The following SLC9A9 variants were observed in gnomAD, a reference collection of about 807,000 sequenced individuals.
SLC9A9 encodes solute carrier family 9 member A9.
A neutral mutation model predicts 77.8 loss-of-function variants in SLC9A9; 62 were observed. That is an observed-to-expected ratio of 0.80 (90% CI 0.65 to 0.98). The LOEUF (loss-of-function observed/expected upper bound fraction) is 0.98, where lower values mean the gene tolerates loss of function less well. SLC9A9 is among the 50% of genes least tolerant of loss of function. SLC9A9 has a pLI of 0.00. For missense variants in SLC9A9, 775 were observed against 774.9 expected, an observed-to-expected ratio of 1.00 and a Z score of 0.00; for synonymous variants, 320 against 283.5, an observed-to-expected ratio of 1.13 and a Z score of -1.29.
intron 6 of SLC9A9, among the ~76,000 whole-genome samples, chr3:143,623,032 G>A (rs558103061): frequency 4.7e-4 from 72 of 152,224 alleles, no homozygotes; most frequent in Non-Finnish European, 8.1e-4. Flanking sequence ...ATTACATAAT[G>A]GTAAAGAGAT....
intron 6 of SLC9A9, among the ~76,000 whole-genome samples, chr3:143,632,768 T>C (rs1237697694): frequency 6.6e-6 from 1 of 152,222 alleles, no homozygotes; most frequent in Non-Finnish European, 1.5e-5. Flanking sequence ...GTCCACACGT[T>C]AAGTGATAAA....
intron 12 of SLC9A9, among the ~76,000 whole-genome samples, chr3:143,406,611 T>C (rs532619386): frequency 3.3e-5 from 5 of 152,236 alleles, no homozygotes; most frequent in African/African-American, 9.6e-5. Context: ...TTCCTGTATC[T>C]TAAAAAGTAT....
At chr3:143,273,283 A>T (rs144292234) in intron 14 of SLC9A9, among the ~76,000 whole-genome samples, 2,241 of 152,128 alleles carry the variant, frequency 0.015, 26 homozygotes, top group Non-Finnish European at 0.024. Context: ...GCATCCCCCC[A>T]CCCTCTAACA....
At chr3:143,664,019 A>C (rs2039022158) in intron 5 of SLC9A9, among the ~76,000 whole-genome samples, 1 of 152,128 alleles carries the variant, frequency 6.6e-6, no homozygotes, top group African/African-American at 2.4e-5. Flanking sequence ...ACCCCGAGAC[A>C]CGTAATTGTC....
intron 6 of SLC9A9, among the ~76,000 whole-genome samples, chr3:143,584,350 C>T (rs754172939): frequency 6.6e-6 from 1 of 152,170 alleles, no homozygotes; most frequent in Non-Finnish European, 1.5e-5. Context: ...CTCTCAAATC[C>T]CACAGCCTAC....
chr3:143,547,716 A>T (rs528632513), intron 9 of SLC9A9, among the ~76,000 whole-genome samples: 137 of 151,726 alleles, frequency 9.0e-4, no homozygotes, highest in Non-Finnish European at 1.3e-3. Context: ...TCCCTCTTTT[A>T]CTTTTTTTCA....
intron 14 of SLC9A9, among the ~76,000 whole-genome samples, chr3:143,294,322 G>A (rs752854029): frequency 5.9e-5 from 9 of 152,114 alleles, no homozygotes; most frequent in Non-Finnish European, 1.0e-4. Flanking sequence ...AAGGGGGAGC[G>A]GTTTAGGAGC....
intron 1 of SLC9A9, among the ~76,000 whole-genome samples, chr3:143,834,945 A>G (rs2009531797): frequency 6.6e-6 from 1 of 152,160 alleles, no homozygotes; most frequent in South Asian, 2.1e-4. Context: ...TCTGGAATCC[A>G]TCACCACTTT....
chr3:143,826,648 A>C (rs78202915), intron 2 of SLC9A9, among the ~76,000 whole-genome samples: 1 of 152,112 alleles, frequency 6.6e-6, no homozygotes, highest in Non-Finnish European at 1.5e-5. Flanking sequence ...GTCTGCCTTC[A>C]TTTTCAGCTC....
At chr3:143,332,270 C>G (rs1030107721) in intron 14 of SLC9A9, among the ~76,000 whole-genome samples, 2 of 151,004 alleles carry the variant, frequency 1.3e-5, no homozygotes, top group African/African-American at 4.9e-5. Context: ...CCCAGGCCAA[C>G]CCTTGGAATC....
At chr3:143,743,272 TAGATAGATAGATAGATAGACAGAC>T (rs1227333656) in intron 4 of SLC9A9, among the ~76,000 whole-genome samples, 1 of 150,230 alleles carries the variant, frequency 6.7e-6, no homozygotes, top group African/African-American at 2.5e-5. Flanking sequence ...GATAGATAGA[TAGATAGATAGATAGATAGACAGAC>T]AGATAGATAG....
At chr3:143,694,949 C>A (rs1933585787) in intron 4 of SLC9A9, among the ~76,000 whole-genome samples, 1 of 152,024 alleles carries the variant, frequency 6.6e-6, no homozygotes, top group African/African-American at 2.4e-5. Flanking sequence ...AGCATGGATT[C>A]TAGAAGGGGA....
intron 13 of SLC9A9, among the ~76,000 whole-genome samples, chr3:143,374,706 AT>A (rs1343196690): frequency 5.3e-5 from 8 of 152,216 alleles, no homozygotes; most frequent in East Asian, 3.9e-4. Context: ...TGATACAGGC[AT>A]GCAATGTGAA....
At chr3:143,621,571 AAACT>A (rs2038213356) in intron 6 of SLC9A9, among the ~76,000 whole-genome samples, 1 of 152,238 alleles carries the variant, frequency 6.6e-6, no homozygotes, top group African/African-American at 2.4e-5. Flanking sequence ...GTTAGAAGGA[AAACT>A]AACAAACAGA....
At chr3:143,561,757 A>C (rs1387044253) in intron 8 of SLC9A9, among the ~76,000 whole-genome samples, 3 of 152,228 alleles carry the variant, frequency 2.0e-5, no homozygotes, top group Non-Finnish European at 4.4e-5. Context: ...TCTTAAGTAA[A>C]CATAAGGTTT....
At chr3:143,555,686 A>T (rs773248272) in intron 8 of SLC9A9, among the ~76,000 whole-genome samples, 1 of 152,202 alleles carries the variant, frequency 6.6e-6, no homozygotes, top group Non-Finnish European at 1.5e-5. Flanking sequence ...CTAGCCAGAG[A>T]TTTTACGAAA....
intron 4 of SLC9A9, among the ~76,000 whole-genome samples, chr3:143,767,334 C>T (rs567872469): frequency 2.7e-4 from 41 of 150,336 alleles, no homozygotes; most frequent in African/African-American, 1.0e-3. Context: ...GATGGCGCTG[C>T]CTTTCAGGTG....
At chr3:143,836,992 C>A (rs111307699) in intron 1 of SLC9A9, among the ~76,000 whole-genome samples, 1 of 152,318 alleles carries the variant, frequency 6.6e-6, no homozygotes, top group Non-Finnish European at 1.5e-5. Context: ...ATTTCCCTTG[C>A]ATCTTACTGA....
intron 4 of SLC9A9, among the ~76,000 whole-genome samples, chr3:143,702,974 A>T (rs1933847723): frequency 1.3e-5 from 2 of 152,260 alleles, no homozygotes; most frequent in South Asian, 4.1e-4. Flanking sequence ...TATAAGAGAC[A>T]AAGGTCATCA....
Sources: allele counts gnomAD v4.1 joint callset (sites outside exome capture counted in the v4.1 genomes callset), GRCh38; gene constraint gnomAD v4.1.1; transcripts MANE v1.5; gene names NCBI Gene and HGNC (gene_info 2026-07-23, HGNC 2026-07-21).